The following RNF17 variants were observed in gnomAD, a reference collection of about 807,000 sequenced individuals.
RNF17 encodes ring finger protein 17.
RNF17 carries 31 observed loss-of-function variants against 200.5 expected under a neutral mutation model. That is an observed-to-expected ratio of 0.15 (90% CI 0.12 to 0.21). The LOEUF (loss-of-function observed/expected upper bound fraction) is 0.21. RNF17 is among the 10% of genes least tolerant of loss of function. The pLI, the probability that RNF17 is intolerant of heterozygous loss-of-function variation, is 1.00. For synonymous variants in RNF17, 606 were observed against 637.8 expected (o/e 0.95, Z 0.75); for missense variants, 1,628 against 1,905.1 (o/e 0.85, Z 2.71).
intron 15 of RNF17, among the ~76,000 whole-genome samples, chr13:24,822,327 A>G (rs1378015574): frequency 6.6e-6 from 1 of 152,198 alleles, no homozygotes; most frequent in Non-Finnish European, 1.5e-5. Flanking sequence ...TCTTTGTTAG[A>G]AAATGATTTG....
chr13:24,811,972 A>G (rs539996121), intron 15 of RNF17, among the ~76,000 whole-genome samples: 16 of 151,654 alleles, frequency 1.1e-4, no homozygotes, highest in African/African-American at 3.9e-4. Context: ...GGGGTCAGGG[A>G]CCCACTTGAG....
Position 24,870,887 on chromosome 13 carries a change from C to G in RNF17, c.4447+148C>G, listed in dbSNP as rs146672875. On this transcript the variant is annotated intron_variant, in intron 32 of 35. Coordinates refer to ENST00000255324, the MANE Select transcript of RNF17 (RefSeq NM_031277.3). ...GATTTCCTGTAATCCTCAAGATACC[C>G]AGAAGATGACTTCTTTCTCATTTTC... is the stretch of plus-strand genomic sequence containing the variant. 1.0e-3 allele frequency: 589 copies of G among 563,708 alleles called. 5 individuals are homozygous for G. Among genetic ancestry groups the G allele is most frequent in the African/African-American group, 1.0e-2 (532 of 53,352 alleles). The allele number at this position is 563,708 out of a possible 1,614,324, so 34.9% of individuals were successfully genotyped here. A position where few individuals can be genotyped will look rare whatever the true frequency, so the allele number is the denominator to read the frequency against.
upstream of RNF17, among the ~76,000 whole-genome samples, chr13:24,763,811 G>A (rs768721450): frequency 3.9e-5 from 6 of 152,158 alleles, no homozygotes; most frequent in Non-Finnish European, 7.3e-5. Context: ...CTGGATGCCC[G>A]AAGCACACAG....
Position 24,799,499 on chromosome 13 carries a change from C to A in RNF17, c.1504C>A (p.Pro502Thr). 1 of 1,610,928 alleles carries A rather than the reference C, an allele frequency of 6.2e-7. No individual in the cohort carries two copies. Among genetic ancestry groups the A allele is most frequent in the South Asian group, 1.1e-5 (1 of 90,932 alleles). Residue 502 changes from proline to threonine, a missense_variant, in exon 12 of 36, where the codon CCA becomes ACA. Transcript: ENST00000255324. The stretch of plus-strand genomic sequence containing the variant: ...TAGAAATACCAGAAAACCTTGTAGT[C>A]CAACCAGATTATTTGTCCATGAAGT... Reference protein sequence around the residue: ...EGRNTRKPCSPTRLFVHEVAL... With the variant: ...EGRNTRKPCSTTRLFVHEVAL...
chr13:24,840,862 A>G (rs984801453), intron 18 of RNF17, among the ~76,000 whole-genome samples: 7 of 152,118 alleles, frequency 4.6e-5, no homozygotes, highest in African/African-American at 1.7e-4. Context: ...ACCAAATACC[A>G]CGTGTACCCC....
At chr13:24,785,027 G>T (rs1882919565) in intron 6 of RNF17, among the ~76,000 whole-genome samples, 1 of 152,108 alleles carries the variant, frequency 6.6e-6, no homozygotes, top group South Asian at 2.1e-4. Flanking sequence ...TTCTTAGTGT[G>T]ACTATAGGTT....
chr13:24,884,582 A>C, downstream of RNF17: 1 of 966,758 alleles, frequency 1.0e-6, no homozygotes, highest in Non-Finnish European at 1.6e-6. Context: ...ATTCCCTCAA[A>C]AGATCCTTTA....
chr13:24,799,170 C>G (rs1884955981), intron 11 of RNF17, among the ~76,000 whole-genome samples: 1 of 152,078 alleles, frequency 6.6e-6, no homozygotes, highest in Non-Finnish European at 1.5e-5. Context: ...TGACTGCTAA[C>G]TTAGTATTCT....
At chr13:24,752,429 C>T in the RNF17 span, among the ~76,000 whole-genome samples, 4 of 152,200 alleles carry the variant, frequency 2.6e-5, no homozygotes, top group African/African-American at 9.7e-5. Flanking sequence ...TCATTCGCAG[C>T]CACATGGAGA....
the RNF17 span, among the ~76,000 whole-genome samples, chr13:24,757,544 G>A: frequency 4.6e-5 from 7 of 152,082 alleles, no homozygotes; most frequent in African/African-American, 1.2e-4. Flanking sequence ...GGCTGGTCTC[G>A]AATTCCTGAC....
chr13:24,793,629 C>G (rs1884167491), intron 10 of RNF17, among the ~76,000 whole-genome samples: 1 of 151,952 alleles, frequency 6.6e-6, no homozygotes, highest in Non-Finnish European at 1.5e-5. Context: ...ACATATAAGC[C>G]TTGTATAAAA....
chr13:24,820,694 C>A (rs1887956827), intron 15 of RNF17, among the ~76,000 whole-genome samples: 1 of 152,092 alleles, frequency 6.6e-6, no homozygotes, highest in Admixed American at 6.6e-5. Flanking sequence ...CTTGGCCTCC[C>A]CAAAGTGCTG....
chr13:24,820,454 G>T (rs1334279363), intron 15 of RNF17, among the ~76,000 whole-genome samples: 1 of 150,478 alleles, frequency 6.6e-6, no homozygotes, highest in Non-Finnish European at 1.5e-5. Context: ...TTTTATTTTT[G>T]AGATGGAGTT....
At chr13:24,848,942 T>C (rs1332410880) in intron 22 of RNF17, among the ~76,000 whole-genome samples, 2 of 152,214 alleles carry the variant, frequency 1.3e-5, no homozygotes, top group Admixed American at 6.5e-5. Flanking sequence ...ATAAGTAGTA[T>C]AGCACATTTA....
chr13:24,791,068 A>G (rs560827865), intron 9 of RNF17, among the ~76,000 whole-genome samples: 17 of 152,344 alleles, frequency 1.1e-4, no homozygotes, highest in African/African-American at 3.6e-4. Context: ...GTATAGTTCT[A>G]GGGAGTAGAA....
intron 15 of RNF17, chr13:24,824,359 A>G (rs1322536630): frequency 1.4e-5 from 7 of 508,826 alleles, no homozygotes; most frequent in Admixed American, 1.1e-4. Flanking sequence ...AATTTGCATA[A>G]TATCTACTTA....
In RNF17 at chr13:24,879,187, G is replaced by T; in HGVS notation, c.4774G>T (p.Ala1592Ser). ...TGACAACTGTATCTTTTAATTTTAG[G>T]CTCCAGCACCAGAACAGATAGTGAC... ...QGKQLYAVSM[A>S]PAPEQIVTLY... is the part of the protein sequence containing the mutation. The change falls in exon 35 of 36, where the codon GCT (alanine) becomes TCT (serine). Residue 1592 changes from alanine to serine, a missense_variant and splice_region_variant. By Grantham distance (99) the Ala-to-Ser change is moderately conservative. Transcript: ENST00000255324. 1 of 1,609,748 alleles carries T rather than the reference G, an allele frequency of 6.2e-7. No individual in the cohort carries two copies. Among genetic ancestry groups the T allele is most frequent in the Non-Finnish European group, 8.5e-7 (1 of 1,176,428 alleles).
At chr13:24,769,578 T>A (rs1880364012) in intron 2 of RNF17, among the ~76,000 whole-genome samples, 1 of 152,252 alleles carries the variant, frequency 6.6e-6, no homozygotes, top group Non-Finnish European at 1.5e-5. Flanking sequence ...TTACCTAATA[T>A]TTATTTGGAA....
chr13:24,826,730 G>A (rs894266286), intron 16 of RNF17, among the ~76,000 whole-genome samples: 4 of 151,784 alleles, frequency 2.6e-5, no homozygotes, highest in Admixed American at 6.6e-5. Flanking sequence ...CTGGGATTGC[G>A]CCACTGCACT....
Sources: allele counts gnomAD v4.1 joint callset (sites outside exome capture counted in the v4.1 genomes callset), GRCh38; gene constraint gnomAD v4.1.1; transcripts MANE v1.5; gene names NCBI Gene and HGNC (gene_info 2026-07-23, HGNC 2026-07-21).